STAB2: variants seen among roughly 807,000 people sequenced by gnomAD.
STAB2 encodes the protein stabilin 2, also known as stabilin-2.
Under a neutral mutation model 338.1 loss-of-function variants are expected in STAB2, and 288 were observed. That is an observed-to-expected ratio of 0.85 (90% CI 0.77 to 0.94). STAB2 has a LOEUF of 0.94. Among genes scored for constraint, STAB2 ranks in the 40% least tolerant of loss-of-function variants. STAB2 has a pLI of 0.00. For missense variants in STAB2, 3,141 were observed against 3,210.1 expected (o/e 0.98, Z 0.52); for synonymous variants, 1,202 against 1,193.3 (o/e 1.01, Z -0.15).
rs1194484416 is a variant in STAB2, at chr12:103,759,220, A to G, written c.7195A>G (p.Thr2399Ala). 1.9e-6 allele frequency: 3 copies of G among 1,614,120 alleles called. No individual in the cohort carries two copies. The South Asian group carries it at 3.3e-5, about 18-fold the overall frequency. Reference sequence around the variant, plus strand: ...CCTTGTCAATGGCACCACCCTGCAAACGAGGCTGGGAAGCAAGCTGCTCAT... The same window carrying G: ...CCTTGTCAATGGCACCACCCTGCAAGCGAGGCTGGGAAGCAAGCTGCTCAT... ...NDLVNGTTLQTRLGSKLLITA... is the reference protein window; with the variant it reads ...NDLVNGTTLQARLGSKLLITA... The change falls in exon 65 of 69, where the codon ACG becomes GCG. Residue 2399 changes from threonine (T) to alanine (A), a missense_variant. Transcript: ENST00000388887.
chr12:103,755,666 G>T lies in STAB2; in HGVS notation c.6935G>T (p.Gly2312Val). 2 of 1,614,118 alleles carry T rather than the reference G, an allele frequency of 1.2e-6. No individual in the cohort carries two copies. The highest frequency in any genetic ancestry group is 1.7e-6 in the Non-Finnish European group (2 of 1,180,022). Reference sequence around the variant, plus strand: ...GTGGGAGATGGCTTCTCATGCAGTGGGAACCTGCTGCAGGTCCTGATGTCC... The same window carrying T: ...GTGGGAGATGGCTTCTCATGCAGTGTGAACCTGCTGCAGGTCCTGATGTCC... Reference protein sequence around the residue: ...GYVGDGFSCSGNLLQVLMSFP... With the variant: ...GYVGDGFSCSVNLLQVLMSFP... The change falls in exon 63 of 69, where the codon GGG becomes GTG. Residue 2312 changes from glycine (G) to valine (V), a missense_variant. Coordinates refer to ENST00000388887, the MANE Select transcript of STAB2 (RefSeq NM_017564.10).
rs777200667 is a variant in STAB2, at chr12:103,673,952, A to C, written c.2417A>C (p.Asp806Ala). ...HGTCNNRIDS[D>A]GACLTGTCRD... ...ACATGCAATAACAGGATAGACAGCG[A>C]TGGGGCCTGCCTCACTGGCACATGC... Residue 806 changes from aspartate (D) to alanine (A), a missense_variant, in exon 23 of 69, where the codon GAT becomes GCT. By Grantham distance (126) the Asp-to-Ala change is moderately radical (BLOSUM62 -2). Transcript: ENST00000388887. The C allele has an allele frequency of 6.2e-7, 1 of 1,614,012 alleles. No individual in the cohort carries two copies. The highest frequency in any genetic ancestry group is 1.1e-5 in the South Asian group (1 of 91,076).
chr12:103,639,638 AG>A (rs1265100548), intron 8 of STAB2, among the ~76,000 whole-genome samples: 1 of 146,918 alleles, frequency 6.8e-6, no homozygotes, highest in Non-Finnish European at 1.5e-5. Flanking sequence ...TGGGAAGTAA[AG>A]GCTGCAATGA....
chr12:103,599,000 C>T (rs549212334), intron 3 of STAB2, among the ~76,000 whole-genome samples: 221 of 152,256 alleles, frequency 1.5e-3, no homozygotes, highest in African/African-American at 5.1e-3. Flanking sequence ...GCAGCCTGCC[C>T]AAAGAGAACC....
intron 6 of STAB2, among the ~76,000 whole-genome samples, chr12:103,633,454 G>C (rs1193719484): frequency 6.6e-6 from 1 of 152,184 alleles, no homozygotes; most frequent in African/African-American, 2.4e-5. Flanking sequence ...AGGCCGAGGC[G>C]GGTGGATCAC....
At chr12:103,702,595 G>GGT (rs1878998791) in intron 34 of STAB2, among the ~76,000 whole-genome samples, 2 of 152,202 alleles carry the variant, frequency 1.3e-5, no homozygotes, top group African/African-American at 4.8e-5. Context: ...CACCGCGCCC[G>GGT]GCCTATCAGT....
chr12:103,752,020 T>C (rs1448597635), intron 60 of STAB2, among the ~76,000 whole-genome samples: 2 of 152,114 alleles, frequency 1.3e-5, no homozygotes, highest in Admixed American at 1.3e-4. Flanking sequence ...GCCTTCATGA[T>C]TTGCAGCCGA....
rs1445376482 is a variant in STAB2, at chr12:103,729,076, T to A, written c.5082+81T>A. On this transcript the variant is annotated intron_variant, in intron 48 of 68. Coordinates refer to ENST00000388887, the MANE Select transcript of STAB2 (RefSeq NM_017564.10). ...ACCTGGATGGAGCTGGAGGCCATCA[T>A]CCTCAGCAAACTAATGCAGGAACAG... 4 of 1,404,618 alleles carry A rather than the reference T, an allele frequency of 2.8e-6. No individual in the cohort carries two copies. The African/African-American group carries it at 4.3e-5, about 15-fold the overall frequency. 87.0% of individuals were successfully genotyped at this position (1,404,618 alleles called of 1,614,324 possible).
intron 47 of STAB2, among the ~76,000 whole-genome samples, chr12:103,728,193 C>T (rs1483412301): frequency 6.6e-6 from 1 of 152,120 alleles, no homozygotes; most frequent in Non-Finnish European, 1.5e-5. Context: ...GCTCTGTCAC[C>T]CAGGCTGGAG....
Position 103,735,541 on chromosome 12 carries a change from T to C in STAB2, c.5511T>C (p.Gly1837=). ...CCACTGCCTGGAAGACCCTGCAAGG[T>C]TCAGAGCTGAGTGTGAAATGTGGAG... is the stretch of plus-strand genomic sequence containing the variant. ...PTSTAWKTLQ[G]SELSVKCGAG... is the part of the protein sequence containing the mutation. The change falls in exon 52 of 69, where the codon GGT becomes GGC. Residue 1837 remains glycine, a synonymous_variant. Coordinates refer to ENST00000388887, the MANE Select transcript of STAB2 (RefSeq NM_017564.10). The C allele has an allele frequency of 6.2e-7, 1 of 1,612,370 alleles. No individual in the cohort carries two copies. Among genetic ancestry groups the C allele is most frequent in the South Asian group, 1.1e-5 (1 of 90,790 alleles).
rs138635001 is a variant in STAB2, at chr12:103,695,814, T to G, written c.3552T>G (p.Asn1184Lys). 5 of 1,614,046 alleles carry G rather than the reference T, an allele frequency of 3.1e-6. No individual in the cohort carries two copies. The African/African-American group carries it at 6.7e-5, about 22-fold the overall frequency. The part of the protein sequence containing the change: ...VFAPNNNAIE[N>K]YIREKKVLSL... ...CTCCAAACAACAATGCCATCGAGAA[T>G]TACATCAGGGAGAAGAAAGTCTTGT... Residue 1184 changes from asparagine (N) to lysine (K), a missense_variant, in exon 33 of 69, where the codon AAT becomes AAG. Transcript: ENST00000388887.
intron 6 of STAB2, among the ~76,000 whole-genome samples, 196 bp downstream of exon 6, chr12:103,631,889 G>A (rs1223678691): frequency 6.6e-6 from 1 of 152,210 alleles, no homozygotes; most frequent in East Asian, 1.9e-4. Context: ...AGGAGGAAGA[G>A]AGAGAACAGA....
At chr12:103,643,362 A>T (rs1243761857) in intron 9 of STAB2, among the ~76,000 whole-genome samples, 1 of 151,542 alleles carries the variant, frequency 6.6e-6, no homozygotes, top group African/African-American at 2.4e-5. Flanking sequence ...GGTGCTCCCC[A>T]CTCCTGGCCC....
rs138271777 is a variant in STAB2 at position 103,760,640 on chromosome 12, G to T, written c.7249-660G>T. Among the ~76,000 whole-genome samples the T allele has an allele frequency of 1.8e-3, 272 of 152,300 alleles. 1 individual carries two copies. The highest frequency in any genetic ancestry group is 6.3e-3 in the African/African-American group (260 of 41,560). On this transcript the variant is annotated intron_variant, in intron 65 of 68. Transcript: ENST00000388887. Reference sequence around the variant, plus strand: ...GGTGATGATACTGATGGAGATGACCGTGGGGGTAGCGGTGGAGGTGGTGAT... The same window carrying T: ...GGTGATGATACTGATGGAGATGACCTTGGGGGTAGCGGTGGAGGTGGTGAT...
At chr12:103,749,256 C>A in intron 59 of STAB2, 100 bp downstream of exon 59, 1 of 1,280,924 alleles carries the variant, frequency 7.8e-7, no homozygotes, top group Non-Finnish European at 1.0e-6. Context: ...CTGGACTCTT[C>A]CTAAACATTT....
intron 18 of STAB2, 88 bp downstream of exon 18, chr12:103,663,086 C>T: frequency 2.0e-6 from 3 of 1,523,160 alleles, no homozygotes; most frequent in Non-Finnish European, 2.7e-6. Flanking sequence ...AGAAAGGTGT[C>T]AAAGAAAGTT....
intron 44 of STAB2, among the ~76,000 whole-genome samples, chr12:103,718,744 A>G (rs1880527609): frequency 6.6e-6 from 1 of 152,228 alleles, no homozygotes; most frequent in Non-Finnish European, 1.5e-5. Context: ...GTATTTAACT[A>G]TAGGAATGAA....
At chr12:103,750,506 T>C in intron 59 of STAB2, 73 bp from the exon 60 acceptor site, 2 of 1,580,912 alleles carry the variant, frequency 1.3e-6, no homozygotes, top group Non-Finnish European at 1.7e-6. Flanking sequence ...TGGACATTGG[T>C]CCCATGGGCA....
At chr12:103,645,639 C>T (rs1016208605) in intron 9 of STAB2, among the ~76,000 whole-genome samples, 3 of 152,188 alleles carry the variant, frequency 2.0e-5, no homozygotes, top group African/African-American at 4.8e-5. Flanking sequence ...ATTAAATTAG[C>T]GTAGCACAGT....
Sources: gnomAD v4.1 joint callset for allele counts (sites outside exome capture counted in the v4.1 genomes callset) on GRCh38, gnomAD v4.1.1 for gene constraint, MANE v1.5 for transcripts, NCBI Gene and HGNC (gene_info 2026-07-23, HGNC 2026-07-21) for gene names.